The following SUGCT variants were observed in gnomAD, a reference collection of about 807,000 sequenced individuals.
The protein encoded by SUGCT is succinyl-CoA:glutarate-CoA transferase.
Under a neutral mutation model 55.0 loss-of-function variants are expected in SUGCT, and 41 were observed. The observed-to-expected ratio is 0.74, with a 90% confidence interval of 0.58 to 0.97. The LOEUF (loss-of-function observed/expected upper bound fraction) is 0.97, where lower values mean the gene tolerates loss of function less well. Among genes scored for constraint, SUGCT ranks in the 50% least tolerant of loss-of-function variants. The pLI, the probability that SUGCT is intolerant of heterozygous loss-of-function variation, is 0.00. For synonymous variants in SUGCT, 187 were observed against 200.4 expected, an observed-to-expected ratio of 0.93 and a Z score of 0.56; for missense variants, 568 against 547.8, an observed-to-expected ratio of 1.04 and a Z score of -0.37.
At chr7:40,357,449 A>G (rs1797930620) in intron 9 of SUGCT, among the ~76,000 whole-genome samples, 1 of 152,216 alleles carries the variant, frequency 6.6e-6, no homozygotes, top group African/African-American at 2.4e-5. Context: ...ACCCTACCAC[A>G]TGCGTGACAC....
At chr7:40,447,929 A>G (rs888216008) in intron 9 of SUGCT, among the ~76,000 whole-genome samples, 4 of 152,228 alleles carry the variant, frequency 2.6e-5, no homozygotes, top group Admixed American at 1.3e-4. Flanking sequence ...CTGAGGGTAA[A>G]ATTTGGTTCC....
chr7:40,524,653 T>C (rs1442038943), intron 12 of SUGCT, among the ~76,000 whole-genome samples: 1 of 152,182 alleles, frequency 6.6e-6, no homozygotes, highest in Non-Finnish European at 1.5e-5. Context: ...TAAAATTTCT[T>C]TCTGTTTCTT....
intron 13 of SUGCT, among the ~76,000 whole-genome samples, chr7:40,824,360 ATG>A (rs1563028616): frequency 6.6e-6 from 1 of 152,112 alleles, no homozygotes; most frequent in East Asian, 1.9e-4. Context: ...GTAAATGGGT[ATG>A]TGTGTGTGTT....
intron 1 of SUGCT, among the ~76,000 whole-genome samples, chr7:40,172,182 T>G (rs1192096456): frequency 6.6e-6 from 1 of 152,230 alleles, no homozygotes; most frequent in African/African-American, 2.4e-5. Context: ...TACTGGGTCA[T>G]CAGTTCTAAG....
chr7:40,238,822 C>CTTT lies in SUGCT; in HGVS notation c.576+1110_576+1112dup, dbSNP rs200564913. The stretch of plus-strand genomic sequence containing the variant: ...TAGAAAAAAATGTGTGTGGCCTTTG[C>CTTT]TTTTTTTTTTTTTTTTAAGTCAGAG... On this transcript the variant is annotated intron_variant, in intron 7 of 13. Coordinates refer to ENST00000335693, the MANE Select transcript of SUGCT (RefSeq NM_001193313.2). Among the ~76,000 whole-genome samples, 7 of 138,326 alleles carry CTTT rather than the reference C, an allele frequency of 5.1e-5. No homozygotes were observed. In the South Asian group the frequency reaches 1.4e-3, roughly 27 times the overall value. The allele number at this position is 138,326 out of a possible 152,430, so 90.7% of individuals were successfully genotyped here. A position where few individuals can be genotyped will look rare whatever the true frequency, so the allele number is the denominator to read the frequency against.
At chr7:40,246,891 G>A (rs1227428272) in intron 7 of SUGCT, among the ~76,000 whole-genome samples, 2 of 152,108 alleles carry the variant, frequency 1.3e-5, no homozygotes, top group East Asian at 3.9e-4. Context: ...GAGCCACCAT[G>A]CTTGGACTAA....
At position 40,810,626 on chromosome 7, in the gene SUGCT, G is replaced by T. The variant is rs796549358; in HGVS notation, c.1154-49690G>T. ...TAATGGGGTTATTTGTATTTTACTT[G>T]CTCAAATGTTTATGTTCCTTATAGA... On this transcript the variant is annotated intron_variant, in intron 13 of 13. Transcript: ENST00000335693. Among the ~76,000 whole-genome samples, 6 of 152,110 alleles carry T rather than the reference G, an allele frequency of 3.9e-5. 1 individual carries two copies. The highest frequency in any genetic ancestry group is 1.4e-4 in the African/African-American group (6 of 41,510).
At chr7:40,781,449 T>C (rs1375688244) in intron 13 of SUGCT, among the ~76,000 whole-genome samples, 1 of 152,054 alleles carries the variant, frequency 6.6e-6, no homozygotes, top group African/African-American at 2.4e-5. Flanking sequence ...ACTCACAAAA[T>C]GCTGCAGTGC....
intron 1 of SUGCT, among the ~76,000 whole-genome samples, chr7:40,178,700 A>C (rs1286414012): frequency 6.6e-6 from 1 of 152,046 alleles, no homozygotes; most frequent in African/African-American, 2.4e-5. Context: ...AGATTTTCAC[A>C]ATGATGTCTT....
intron 8 of SUGCT, among the ~76,000 whole-genome samples, chr7:40,289,059 G>A (rs1309969238): frequency 6.6e-6 from 1 of 152,066 alleles, no homozygotes; most frequent in Non-Finnish European, 1.5e-5. Context: ...TATCACCTGT[G>A]GTAGGCTGAA....
chr7:40,813,811 G>T (rs1332188798), intron 13 of SUGCT, among the ~76,000 whole-genome samples: 3 of 152,134 alleles, frequency 2.0e-5, no homozygotes, highest in Admixed American at 6.5e-5. Flanking sequence ...GCTTGATAGG[G>T]TCTGTGGGCT....
At chr7:40,816,809 T>A (rs1018511726) in intron 13 of SUGCT, among the ~76,000 whole-genome samples, 2 of 152,164 alleles carry the variant, frequency 1.3e-5, no homozygotes, top group Non-Finnish European at 1.5e-5. Context: ...TCTGTACATA[T>A]GGAATGAACA....
At chr7:40,372,614 C>T (rs1057025823) in intron 9 of SUGCT, among the ~76,000 whole-genome samples, 1 of 151,884 alleles carries the variant, frequency 6.6e-6, no homozygotes, top group Admixed American at 6.6e-5. Context: ...AAACACCATC[C>T]CAATGTTGTG....
At chr7:40,780,505 A>G (rs574938595) in intron 13 of SUGCT, among the ~76,000 whole-genome samples, 1 of 152,310 alleles carries the variant, frequency 6.6e-6, no homozygotes, top group East Asian at 1.9e-4. Flanking sequence ...TCTGAGAAGA[A>G]GGAAGAGATT....
chr7:40,917,688 C>G, the SUGCT span, among the ~76,000 whole-genome samples: 1 of 152,186 alleles, frequency 6.6e-6, no homozygotes, highest in Non-Finnish European at 1.5e-5. Flanking sequence ...GTATTGGAGA[C>G]TGAGACATCC....
intron 8 of SUGCT, among the ~76,000 whole-genome samples, chr7:40,292,653 T>C (rs2151055348): frequency 6.6e-6 from 1 of 152,298 alleles, no homozygotes; most frequent in Admixed American, 6.5e-5. Flanking sequence ...GTAGGCCCAG[T>C]TTGAGTTTGA....
chr7:40,763,280 A>G (rs1253223939), intron 13 of SUGCT, among the ~76,000 whole-genome samples: 2 of 152,088 alleles, frequency 1.3e-5, no homozygotes, highest in Non-Finnish European at 2.9e-5. Context: ...TAATCAGCAC[A>G]TGGACTCTCG....
chr7:40,235,360 C>T (rs572085911), intron 6 of SUGCT, among the ~76,000 whole-genome samples: 2 of 152,156 alleles, frequency 1.3e-5, no homozygotes, highest in Non-Finnish European at 1.5e-5. Context: ...CAGACTCTCA[C>T]TCTATTGCCC....
intron 9 of SUGCT, among the ~76,000 whole-genome samples, chr7:40,340,236 T>G (rs965799946): frequency 4.6e-5 from 7 of 152,128 alleles, no homozygotes; most frequent in African/African-American, 1.7e-4. Context: ...AGTGTTAGAA[T>G]TACATAAGGA....
Sources: allele counts gnomAD v4.1 joint callset (sites outside exome capture counted in the v4.1 genomes callset), GRCh38; gene constraint gnomAD v4.1.1; transcripts MANE v1.5; gene names NCBI Gene and HGNC (gene_info 2026-07-23, HGNC 2026-07-21).